IFT122: variants seen among roughly 807,000 people sequenced by gnomAD.
The protein encoded by IFT122 is intraflagellar transport 122.
In IFT122, 118 loss-of-function variants were observed where a neutral mutation model predicts 161.6. The ratio of observed to expected loss-of-function variants is 0.73; its 90% confidence interval spans 0.63 to 0.85. The LOEUF (loss-of-function observed/expected upper bound fraction) is 0.85, where lower values mean the gene tolerates loss of function less well. Among genes scored for constraint, IFT122 ranks in the 40% least tolerant of loss-of-function variants. IFT122 has a pLI of 0.00. For missense variants in IFT122, 1,381 were observed against 1,579.6 expected, an observed-to-expected ratio of 0.87 and a Z score of 2.13; for synonymous variants, 550 against 602.4, an observed-to-expected ratio of 0.91 and a Z score of 1.27.
At chr3:129,458,506 G>T in intron 3 of IFT122, 93 bp from the exon 4 acceptor site, 1 of 1,040,716 alleles carries the variant, frequency 9.6e-7, no homozygotes. Flanking sequence ...ACACTTACTA[G>T]GTACCTTAAA....
chr3:129,510,410 G>C (rs181795242), intron 23 of IFT122, among the ~76,000 whole-genome samples: 1 of 152,304 alleles, frequency 6.6e-6, no homozygotes, highest in Admixed American at 6.5e-5. Context: ...CAGGGTCAGT[G>C]GTCTCAAGGG....
In IFT122 at chr3:129,483,585, T is replaced by G. The variant is rs201970645; in HGVS notation, c.1754T>G (p.Val585Gly). Residue 585 changes from valine to glycine, a missense_variant, in exon 15 of 30, where the codon GTG (valine) becomes GGG (glycine). Physicochemically the swap from Val to Gly is moderately radical, Grantham distance 109. Around this residue, in one of 7 missense-constraint regions of IFT122, gnomAD observed 544 missense variants for 648.0 expected, o/e 0.84. Coordinates refer to ENST00000348417, the MANE Select transcript of IFT122 (RefSeq NM_052989.3). ...AACATCAAAGCCAGCACCTTCCCTG[T>G]GCACCGGCAGAAGCTGCAGGGCTTT... ...YLNIKASTFP[V>G]HRQKLQGFVV... The G allele has an allele frequency of 6.2e-7, 1 of 1,614,156 alleles. No individual in the cohort carries two copies. The highest frequency in any genetic ancestry group is 1.1e-5 in the South Asian group (1 of 91,064).
intron 28 of IFT122, 127 bp from the exon 29 acceptor site, chr3:129,519,441 A>T (rs1336140663): frequency 9.8e-6 from 13 of 1,323,498 alleles, no homozygotes; most frequent in Non-Finnish European, 1.3e-5. Flanking sequence ...TGCCACTGTT[A>T]GGGTCACCTG....
intron 5 of IFT122, chr3:129,463,259 ACACAGAAC>A: frequency 2.8e-6 from 1 of 354,918 alleles, no homozygotes; most frequent in Non-Finnish European, 5.4e-6. Context: ...CATCAGCGTG[ACACAGAAC>A]TAAGCCATCA....
intron 19 of IFT122, among the ~76,000 whole-genome samples, chr3:129,500,877 G>A (rs77988858): frequency 1.3e-5 from 2 of 152,190 alleles, no homozygotes; most frequent in Non-Finnish European, 2.9e-5. Flanking sequence ...ACCCCCTCAG[G>A]CAGGCAGGTA....
intron 9 of IFT122, 66 bp from the exon 10 acceptor site, chr3:129,476,248 TA>T: frequency 6.4e-7 from 1 of 1,570,716 alleles, no homozygotes; most frequent in African/African-American, 1.3e-5. Flanking sequence ...AAAAAGCCCT[TA>T]ATTGTATTGC....
intron 16 of IFT122, among the ~76,000 whole-genome samples, chr3:129,489,800 C>T (rs1301756843): frequency 6.8e-6 from 1 of 147,912 alleles, no homozygotes; most frequent in East Asian, 2.0e-4. Flanking sequence ...GATGGTGCCA[C>T]TGCACTCCAG....
intron 16 of IFT122, among the ~76,000 whole-genome samples, chr3:129,489,838 T>TAAAA (rs1220023680): frequency 1.7e-5 from 2 of 117,128 alleles, no homozygotes; most frequent in Non-Finnish European, 3.6e-5. Context: ...GACTCTGACT[T>TAAAA]AAAAAAAAAA....
intron 15 of IFT122, among the ~76,000 whole-genome samples, chr3:129,485,230 C>T (rs768096913): frequency 3.3e-4 from 50 of 152,200 alleles, no homozygotes; most frequent in Admixed American, 1.2e-3. Context: ...GGTCAAAGCA[C>T]GTGTACCTTT....
chr3:129,447,895 T>G (rs930068409), intron 1 of IFT122, among the ~76,000 whole-genome samples: 1 of 152,208 alleles, frequency 6.6e-6, no homozygotes, highest in Non-Finnish European at 1.5e-5. Flanking sequence ...CTTCCCGTCA[T>G]GGCCTGAAAC....
intron 18 of IFT122, among the ~76,000 whole-genome samples, chr3:129,497,623 C>G (rs955895892): frequency 6.6e-6 from 1 of 152,124 alleles, no homozygotes; most frequent in Non-Finnish European, 1.5e-5. Context: ...AGAACTGCAG[C>G]CCATTTACAC....
intron 7 of IFT122, among the ~76,000 whole-genome samples, chr3:129,465,974 A>ATT (rs556070984): frequency 1.3e-5 from 2 of 151,588 alleles, no homozygotes; most frequent in African/African-American, 4.9e-5. Flanking sequence ...CACCTGGCTA[A>ATT]TTTTTTGTAT....
chr3:129,440,682 A>G (rs187960692), intron 1 of IFT122, among the ~76,000 whole-genome samples: 9 of 152,372 alleles, frequency 5.9e-5, no homozygotes, highest in Admixed American at 4.6e-4. Context: ...AAGCTGCTCA[A>G]GCTTCACAGT....
intron 9 of IFT122, among the ~76,000 whole-genome samples, chr3:129,470,566 A>G (rs935710281): frequency 6.3e-5 from 9 of 143,234 alleles, no homozygotes; most frequent in Non-Finnish European, 1.5e-5. Flanking sequence ...CGCCCGGCCT[A>G]TGATTTTTTG....
intron 3 of IFT122, among the ~76,000 whole-genome samples, chr3:129,455,447 A>C (rs550445254): frequency 6.6e-6 from 1 of 152,314 alleles, no homozygotes; most frequent in Non-Finnish European, 1.5e-5. Context: ...CTGGGATTAC[A>C]GGCGTGAACC....
At chr3:129,478,618 A>G (rs902045473) in intron 12 of IFT122, among the ~76,000 whole-genome samples, 2 of 151,928 alleles carry the variant, frequency 1.3e-5, no homozygotes, top group Non-Finnish European at 2.9e-5. Context: ...CTAATTTTTT[A>G]TTTTTAGTAG....
intron 5 of IFT122, among the ~76,000 whole-genome samples, chr3:129,462,521 G>A (rs2076304419): frequency 6.6e-6 from 1 of 152,236 alleles, no homozygotes; most frequent in South Asian, 2.1e-4. Context: ...TGCATACAGA[G>A]CCTGCTCTGC....
In IFT122 at chr3:129,479,971, C is replaced by T. The variant is rs183055588; in HGVS notation, c.1488+49C>T. The T allele has an allele frequency of 8.1e-3, 13,116 of 1,609,568 alleles. 68 individuals carry two copies. Among genetic ancestry groups the T allele is most frequent in the Non-Finnish European group, 9.1e-3 (10,761 of 1,177,008 alleles). On this transcript the variant is annotated intron_variant, in intron 13 of 29. Coordinates refer to ENST00000348417, the MANE Select transcript of IFT122 (RefSeq NM_052989.3). The stretch of plus-strand genomic sequence containing the variant: ...GTCAGGCTGATAATCTGCATGCACA[C>T]GTGGGTGACCCGTCTAGCAATGACT...
chr3:129,515,746 C>T (rs1184415914), intron 26 of IFT122, 147 bp downstream of exon 26: 1 of 747,140 alleles, frequency 1.3e-6, no homozygotes, highest in Non-Finnish European at 2.4e-6. Flanking sequence ...TGACGCCCAC[C>T]TACCTGACAC....
Sources: allele counts gnomAD v4.1 joint callset (sites outside exome capture counted in the v4.1 genomes callset), GRCh38; gene constraint gnomAD v4.1.1; regional missense constraint gnomAD v4.1.1; transcripts MANE v1.5; gene names NCBI Gene and HGNC (gene_info 2026-07-23, HGNC 2026-07-21).